Variants in ATP6V1A observed in about 807,000 individuals in gnomAD.
The protein encoded by ATP6V1A is V-type proton ATPase catalytic subunit A.
In ATP6V1A, 18 loss-of-function variants were observed where a neutral mutation model predicts 70.1. The ratio of observed to expected loss-of-function variants is 0.26; its 90% CI spans 0.18 to 0.38. The LOEUF is 0.38. Ranked by LOEUF, ATP6V1A falls within the 10% of genes least tolerant of loss-of-function variation. The pLI is 1.00. For synonymous variants in ATP6V1A, 232 were observed against 253.8 expected, an observed-to-expected ratio of 0.91 and a Z score of 0.82; for missense variants, 424 against 772.4, an observed-to-expected ratio of 0.55 and a Z score of 5.35.
At position 113,784,356 on chromosome 3, in the gene ATP6V1A, G is replaced by C; in HGVS notation, c.344G>C (p.Ser115Thr). Residue 115 changes from serine (S) to threonine (T), a missense_variant, in exon 4 of 15, where the codon AGC (serine) becomes ACC (threonine). By Grantham distance (58) the Ser-to-Thr change is moderately conservative. This residue lies in a region of ATP6V1A where 139 missense variants were observed against 163.5 expected (regional missense o/e 0.85). Transcript: ENST00000273398. ...TCGGATATCAGCAGTCAGACCCAAA[G>C]CATCTACATCCCCAGAGGAGTAAAC... ...PLSDISSQTQSIYIPRGVNVS... is the reference protein window; with the variant it reads ...PLSDISSQTQTIYIPRGVNVS... The C allele has an allele frequency of 6.2e-7, 1 of 1,614,142 alleles. No homozygotes were observed. Among genetic ancestry groups the C allele is most frequent in the South Asian group, 1.1e-5 (1 of 91,084 alleles).
At chr3:113,751,344 C>G (rs984689982) in intron 1 of ATP6V1A, among the ~76,000 whole-genome samples, 9 of 151,420 alleles carry the variant, frequency 5.9e-5, no homozygotes, top group African/African-American at 2.2e-4. Context: ...AAAATATCAG[C>G]AAATTAAACA....
Position 113,809,518 on chromosome 3 carries a change from T to G in ATP6V1A, c.*91T>G, listed in dbSNP as rs1207531740. On this transcript the variant is annotated 3_prime_UTR_variant, in exon 15 of 15. Coordinates refer to ENST00000273398, the MANE Select transcript of ATP6V1A (RefSeq NM_001690.4). ...AATTTCTCATCTCAAACCCTTTGCT[T>G]CTTTATTGTGCAGCTTTGAGACTAG... The G allele has an allele frequency of 3.3e-6, 4 of 1,198,536 alleles. No homozygotes were observed. The highest frequency in any genetic ancestry group is 2.6e-5 in the East Asian group (1 of 38,960). 74.2% of individuals were successfully genotyped at this position (1,198,536 alleles called of 1,614,324 possible).
At chr3:113,786,426 A>C in intron 6 of ATP6V1A, 43 bp downstream of exon 6, 1 of 1,594,442 alleles carries the variant, frequency 6.3e-7, no homozygotes, top group African/African-American at 1.3e-5. Context: ...CAGAGTTATT[A>C]TATGTGCTTA....
At chr3:113,802,493 T>C (rs1171601066) in intron 12 of ATP6V1A, among the ~76,000 whole-genome samples, 2 of 151,736 alleles carry the variant, frequency 1.3e-5, no homozygotes, top group Non-Finnish European at 2.9e-5. Context: ...CACACCTAGC[T>C]AATTTTTGTA....
intron 1 of ATP6V1A, among the ~76,000 whole-genome samples, chr3:113,761,456 G>A (rs1483899494): frequency 6.6e-6 from 1 of 151,884 alleles, no homozygotes; most frequent in Non-Finnish European, 1.5e-5. Context: ...ATAAGTTTCG[G>A]CTGGGCTTGG....
intron 1 of ATP6V1A, 36 bp downstream of exon 1, chr3:113,747,149 T>C (rs1577076652): frequency 6.6e-6 from 1 of 152,112 alleles, no homozygotes; most frequent in African/African-American, 2.4e-5. Context: ...GTGGTGGGGA[T>C]AGAGGGGGTG....
intron 3 of ATP6V1A, among the ~76,000 whole-genome samples, chr3:113,782,158 G>A (rs189445747): frequency 7.9e-4 from 120 of 152,192 alleles, no homozygotes; most frequent in Admixed American, 1.5e-3. Context: ...AAACACATGC[G>A]TGCAGATAAC....
intron 1 of ATP6V1A, among the ~76,000 whole-genome samples, chr3:113,771,891 A>G (rs1577085248): frequency 6.6e-6 from 1 of 152,354 alleles, no homozygotes; most frequent in East Asian, 1.9e-4. Context: ...GAGCATGCCA[A>G]GAAATTTCCT....
chr3:113,798,138 C>CAA, intron 11 of ATP6V1A, 105 bp from the exon 12 acceptor site: 15 of 1,160,642 alleles, frequency 1.3e-5, no homozygotes, highest in South Asian at 1.6e-5. Flanking sequence ...GTCTCAAAAA[C>CAA]AAAAAAAAAA....
At chr3:113,748,101 T>G (rs941255649) in intron 1 of ATP6V1A, among the ~76,000 whole-genome samples, 1 of 152,180 alleles carries the variant, frequency 6.6e-6, no homozygotes, top group African/African-American at 2.4e-5. Flanking sequence ...TAAATTTAGG[T>G]TAAGTAGCAT....
intron 3 of ATP6V1A, among the ~76,000 whole-genome samples, chr3:113,783,403 G>A (rs1709002462): frequency 1.3e-5 from 2 of 152,040 alleles, no homozygotes; most frequent in Admixed American, 6.5e-5. Context: ...GACTCATTAT[G>A]CTTATTTATA....
intron 2 of ATP6V1A, among the ~76,000 whole-genome samples, chr3:113,779,905 G>A (rs762607615): frequency 6.6e-6 from 1 of 152,144 alleles, no homozygotes; most frequent in Non-Finnish European, 1.5e-5. Flanking sequence ...TGCAGAAAGT[G>A]TAGGTGTGTT....
rs1709148748 is a variant in ATP6V1A, at chr3:113,795,876, A to G, written c.1227A>G (p.Ala409=). The G allele has an allele frequency of 6.2e-7, 1 of 1,605,496 alleles. No individual in the cohort carries two copies. Among genetic ancestry groups the G allele is most frequent in the Admixed American group, 1.7e-5 (1 of 57,820 alleles). Residue 409 remains alanine (A), a splice_region_variant and synonymous_variant, in exon 11 of 15, where the codon GCA becomes GCG. Coordinates refer to ENST00000273398, the MANE Select transcript of ATP6V1A (RefSeq NM_001690.4). ...ATGACCATATTTTTTTTAAATTTAG[A>G]GTTTCTCCACCTGGTGGTGATTTTT... The part of the protein sequence containing the change: ...EREGSVSIVG[A]VSPPGGDFSD...
chr3:113,794,911 A>T lies in ATP6V1A; in HGVS notation c.1028A>T (p.His343Leu). ...LSEYFRDMGY[H>L]VSMMADSTSR... ...GAGTACTTCCGTGACATGGGCTATC[A>T]TGTCAGTATGATGGCTGACTCTACC... The change falls in exon 9 of 15, where the codon CAT becomes CTT. Residue 343 changes from histidine (H) to leucine (L), a missense_variant. Physicochemically the swap from His to Leu is moderately conservative, Grantham distance 99. This residue lies in a region of ATP6V1A where 58 missense variants were observed against 181.5 expected (regional missense o/e 0.32). Coordinates refer to ENST00000273398, the MANE Select transcript of ATP6V1A (RefSeq NM_001690.4). 2 of 1,613,826 alleles carry T rather than the reference A, an allele frequency of 1.2e-6. No individual in the cohort carries two copies. Among genetic ancestry groups the T allele is most frequent in the South Asian group, 1.1e-5 (1 of 91,008 alleles).
intron 1 of ATP6V1A, among the ~76,000 whole-genome samples, chr3:113,775,419 A>G (rs967124999): frequency 3.3e-5 from 5 of 152,112 alleles, no homozygotes; most frequent in Admixed American, 3.3e-4. Context: ...TAGTAGAGAC[A>G]GGGTTTTGCC....
rs1273616127 is a variant in ATP6V1A at position 113,781,189 on chromosome 3, T to C, written c.211+11T>C. On this transcript the variant is annotated intron_variant, in intron 3 of 14. Coordinates refer to ENST00000273398, the MANE Select transcript of ATP6V1A (RefSeq NM_001690.4). The stretch of plus-strand genomic sequence containing the variant: ...TGTATGAAGAAACTTGTATCCTTTT[T>C]GGCTCAATTTCCTGCCACTTTCTAT... 1 of 1,598,098 alleles carries C rather than the reference T, an allele frequency of 6.3e-7. No homozygotes were observed. Among genetic ancestry groups the C allele is most frequent in the African/African-American group, 1.4e-5 (1 of 73,854 alleles).
intron 3 of ATP6V1A, among the ~76,000 whole-genome samples, chr3:113,782,520 T>G (rs1224053726): frequency 7.2e-6 from 1 of 139,146 alleles, no homozygotes; most frequent in Non-Finnish European, 1.6e-5. Context: ...TATTTTTCTT[T>G]CCTTTCTCTC....
intron 1 of ATP6V1A, among the ~76,000 whole-genome samples, chr3:113,776,973 A>C (rs1045494313): frequency 6.6e-6 from 1 of 152,184 alleles, no homozygotes; most frequent in African/African-American, 2.4e-5. Context: ...AAACATTCTA[A>C]TCTTTGAACT....
At chr3:113,774,689 T>C (rs1470126084) in intron 1 of ATP6V1A, among the ~76,000 whole-genome samples, 5 of 152,052 alleles carry the variant, frequency 3.3e-5, no homozygotes, top group Admixed American at 3.3e-4. Context: ...TGGCACACAC[T>C]GTAGTCCCAG....
Sources: allele counts gnomAD v4.1 joint callset (sites outside exome capture counted in the v4.1 genomes callset), GRCh38; gene constraint gnomAD v4.1.1; regional missense constraint gnomAD v4.1.1; transcripts MANE v1.5; gene names NCBI Gene and HGNC (gene_info 2026-07-23, HGNC 2026-07-21).